Variants in ZNF268 observed in about 807,000 individuals in gnomAD.
ZNF268 encodes the protein zinc finger protein 268, also known as zinc finger protein 3.
Under a neutral mutation model 29.3 loss-of-function variants are expected in ZNF268, and 20 were observed. The observed-to-expected ratio is 0.68, with a 90% CI of 0.48 to 0.99. The LOEUF is 0.99. ZNF268 is among the 50% of genes least tolerant of loss of function. ZNF268 has a pLI of 0.00. For missense variants in ZNF268, 1,240 were observed against 1,121.6 expected (o/e 1.11, Z -1.51); for synonymous variants, 429 against 376.9 (o/e 1.14, Z -1.60).
intron 5 of ZNF268, among the ~76,000 whole-genome samples, chr12:133,200,334 G>A (rs1483743404): frequency 3.3e-5 from 5 of 152,148 alleles, no homozygotes; most frequent in African/African-American, 4.8e-5. Flanking sequence ...GTAGTTGAGC[G>A]GTTTTGAGTG....
At chr12:133,187,178 T>G (rs77553294) in intron 2 of ZNF268, among the ~76,000 whole-genome samples, 8,114 of 152,186 alleles carry the variant, frequency 0.053, 719 homozygotes, top group African/African-American at 0.18. Context: ...TTTATTCCTT[T>G]TTTTTTAGGC....
Position 133,181,985 on chromosome 12 carries a change from A to G in ZNF268, c.-13A>G. 1 of 1,563,572 alleles carries G rather than the reference A, an allele frequency of 6.4e-7. No homozygotes were observed. Among genetic ancestry groups the G allele is most frequent in the Non-Finnish European group, 8.7e-7 (1 of 1,153,688 alleles). ...TGTCACTTCCAGCGAGGCACACAAA[A>G]CTGACCGTAGGGATGGCCACCAGGG... On this transcript the variant is annotated 5_prime_UTR_variant, in exon 2 of 6. Transcript: ENST00000536435.
Position 133,203,434 on chromosome 12 carries a change from C to G in ZNF268, c.1748C>G (p.Pro583Arg). Residue 583 changes from proline (P) to arginine (R), a missense_variant, in exon 6 of 6, where the codon CCT becomes CGT. Around this residue, in one of 3 missense-constraint regions of ZNF268, gnomAD observed 1,177 missense variants for 1,039.6 expected, o/e 1.13. Coordinates refer to ENST00000536435, the MANE Select transcript of ZNF268 (RefSeq NM_003415.3). ...CAGAGAACTCATGCAGGAGAGAAGCCTTATGAATGCACCGACTGTGGAAAG... is the reference window on the plus strand; with the variant it reads ...CAGAGAACTCATGCAGGAGAGAAGCGTTATGAATGCACCGACTGTGGAAAG... The part of the protein sequence containing the change: ...SHQRTHAGEK[P>R]YECTDCGKAF... The G allele has an allele frequency of 6.5e-7, 1 of 1,543,204 alleles. No homozygotes were observed. The highest frequency in any genetic ancestry group is 8.7e-7 in the Non-Finnish European group (1 of 1,149,010).
At chr12:133,195,530 C>A (rs1313831862) in intron 5 of ZNF268, among the ~76,000 whole-genome samples, 1 of 151,966 alleles carries the variant, frequency 6.6e-6, no homozygotes, top group African/African-American at 2.4e-5. Context: ...CATAGTGAGA[C>A]CCCAGCTTTA....
chr12:133,187,739 C>A (rs1593879381), intron 2 of ZNF268, 133 bp from the exon 3 acceptor site: 1 of 845,944 alleles, frequency 1.2e-6, no homozygotes, highest in East Asian at 2.7e-5. Flanking sequence ...CTGCCTCTAA[C>A]CCTGCATTTC....
intron 4 of ZNF268, 56 bp from the exon 5 acceptor site, chr12:133,191,852 A>C: frequency 6.3e-7 from 1 of 1,584,888 alleles, no homozygotes. Context: ...CGTTCTTCAG[A>C]ATCTCTGAAT....
intron 3 of ZNF268, among the ~76,000 whole-genome samples, chr12:133,190,145 G>A (rs993050832): frequency 6.6e-5 from 10 of 152,168 alleles, no homozygotes; most frequent in African/African-American, 2.2e-4. Context: ...GGTAATTTGC[G>A]TCTTCCAAGG....
rs529598802 is a variant in ZNF268 at position 133,210,902 on chromosome 12, A to C, written c.*6372A>C. On this transcript the variant is annotated 3_prime_UTR_variant, in exon 6 of 6. Coordinates refer to ENST00000536435, the MANE Select transcript of ZNF268 (RefSeq NM_003415.3). ...TGCACCCCTTCCTTACTACCTAGGCACAGTGTTGGATGGTCAGTGCTTCCT... is the reference window on the plus strand; with the variant it reads ...TGCACCCCTTCCTTACTACCTAGGCCCAGTGTTGGATGGTCAGTGCTTCCT... 1.8e-5 allele frequency: 8 copies of C among 456,044 alleles called. No individual in the cohort carries two copies. Among genetic ancestry groups the C allele is most frequent in the South Asian group, 1.1e-4 (7 of 64,566 alleles). 28.2% of individuals were successfully genotyped at this position (456,044 alleles called of 1,614,324 possible). A position where few individuals can be genotyped will look rare whatever the true frequency, so the allele number is the denominator to read the frequency against.
intron 5 of ZNF268, among the ~76,000 whole-genome samples, chr12:133,200,598 G>A (rs1956729841): frequency 6.6e-6 from 1 of 151,734 alleles, no homozygotes. Flanking sequence ...TGTTGTTTTG[G>A]GGCATCTATC....
intron 2 of ZNF268, among the ~76,000 whole-genome samples, chr12:133,187,173 TC>T (rs1279654323): frequency 1.1e-4 from 17 of 152,128 alleles, no homozygotes; most frequent in African/African-American, 4.1e-4. Context: ...AATTTTTTAT[TC>T]CTTTTTTTTT....
Position 133,202,200 on chromosome 12 carries a change from C to T in ZNF268, c.514C>T (p.Leu172=), listed in dbSNP as rs1956768115. ...TTGGCATCAGGAAAATAAAGACAAG[C>T]TGGGAAGTACGGCAAAAAGCTTTGA... ...MDWHQENKDK[L]GSTAKSFECT... The change falls in exon 6 of 6, where the codon CTG becomes TTG. Residue 172 remains leucine, a synonymous_variant. Coordinates refer to ENST00000536435, the MANE Select transcript of ZNF268 (RefSeq NM_003415.3). 1 of 1,606,254 alleles carries T rather than the reference C, an allele frequency of 6.2e-7. No individual in the cohort carries two copies. Among genetic ancestry groups the T allele is most frequent in the East Asian group, 2.2e-5 (1 of 44,752 alleles).
intron 2 of ZNF268, among the ~76,000 whole-genome samples, chr12:133,184,326 C>T (rs961074370): frequency 2.0e-5 from 3 of 151,982 alleles, no homozygotes; most frequent in Non-Finnish European, 2.9e-5. Context: ...ACAATGACCT[C>T]GATCTCCTGA....
chr12:133,190,597 T>C (rs1956443132), intron 3 of ZNF268, among the ~76,000 whole-genome samples: 1 of 152,212 alleles, frequency 6.6e-6, no homozygotes, highest in Admixed American at 6.5e-5. Flanking sequence ...TATATTTTCA[T>C]GTTTAGGTCT....
chr12:133,212,461 AT>A lies in ZNF268; in HGVS notation c.*7932del, dbSNP rs1956996075. 1.1e-4 allele frequency: 1 copy of A among 8,700 alleles called. No homozygotes were observed. Among genetic ancestry groups the A allele is most frequent in the African/African-American group, 1.3e-3 (1 of 746 alleles). 0.5% of individuals were successfully genotyped at this position (8,700 alleles called of 1,614,324 possible). A position where few individuals can be genotyped will look rare whatever the true frequency, so the allele number is the denominator to read the frequency against. Reference sequence around the variant, plus strand: ...TGTGTGATTTTATATATATATATATATATATATATATATATATATATATATA... The same window carrying A: ...TGTGTGATTTTATATATATATATATAATATATATATATATATATATATATA... On this transcript the variant is annotated 3_prime_UTR_variant, in exon 6 of 6. Transcript: ENST00000536435.
At position 133,204,571 on chromosome 12, in the gene ZNF268, G is replaced by T; in HGVS notation, c.*41G>T. Reference sequence around the variant, plus strand: ...CTGAAAAGTGGATTCACAAGAGATAGAAACAATCATATATAAAGAGAAACT... The same window carrying T: ...CTGAAAAGTGGATTCACAAGAGATATAAACAATCATATATAAAGAGAAACT... On this transcript the variant is annotated 3_prime_UTR_variant, in exon 6 of 6. Transcript: ENST00000536435. 1 of 1,383,228 alleles carries T rather than the reference G, an allele frequency of 7.2e-7. No individual in the cohort carries two copies. Among genetic ancestry groups the T allele is most frequent in the Non-Finnish European group, 9.6e-7 (1 of 1,045,338 alleles). 85.7% of individuals were successfully genotyped at this position (1,383,228 alleles called of 1,614,324 possible).
chr12:133,189,315 A>G (rs922661965), intron 3 of ZNF268, among the ~76,000 whole-genome samples: 39 of 151,218 alleles, frequency 2.6e-4, no homozygotes, highest in African/African-American at 9.3e-4. Context: ...CCTGGGTTCA[A>G]GCAGTTCTCC....
At chr12:133,194,656 T>C (rs1437918726) in intron 5 of ZNF268, among the ~76,000 whole-genome samples, 2 of 152,204 alleles carry the variant, frequency 1.3e-5, no homozygotes, top group African/African-American at 4.8e-5. Context: ...GCTATCTCCG[T>C]TGGCTCAGAT....
intron 5 of ZNF268, among the ~76,000 whole-genome samples, chr12:133,201,440 G>C (rs1200874177): frequency 6.6e-6 from 1 of 152,030 alleles, no homozygotes; most frequent in African/African-American, 2.4e-5. Flanking sequence ...ATTGAGACCT[G>C]TGCATCTGAA....
In ZNF268 at chr12:133,187,249, A is replaced by T. The variant is rs564233558; in HGVS notation, c.34-623A>T. 3.1e-5 allele frequency among the ~76,000 whole-genome samples: 4 copies of T among 130,810 alleles called. No individual in the cohort carries two copies. In the South Asian group the frequency reaches 7.1e-4, roughly 23 times the overall value. The allele number at this position is 130,810 out of a possible 152,430, so 85.8% of individuals were successfully genotyped here. A position where few individuals can be genotyped will look rare whatever the true frequency, so the allele number is the denominator to read the frequency against. On this transcript the variant is annotated intron_variant, in intron 2 of 5. Transcript: ENST00000536435. ...GTTGGCGCTTTTTTATGTTCCTCCT[A>T]AATTTAATCTTCATTTCTGAATTTT...
Sources: gnomAD v4.1 joint callset for allele counts (sites outside exome capture counted in the v4.1 genomes callset) on GRCh38, gnomAD v4.1.1 for gene constraint, gnomAD v4.1.1 regional missense constraint, MANE v1.5 for transcripts, NCBI Gene and HGNC (gene_info 2026-07-23, HGNC 2026-07-21) for gene names.